FTSJ3: variants seen among roughly 807,000 people sequenced by gnomAD.
The protein encoded by FTSJ3 is pre-rRNA 2'-O-ribose RNA methyltransferase FTSJ3.
In FTSJ3, 46 loss-of-function variants were observed where a neutral mutation model predicts 111.5. That is an observed-to-expected ratio of 0.41 (90% CI 0.33 to 0.53). The LOEUF is 0.53. FTSJ3 is among the 20% of genes least tolerant of loss of function. The pLI, the probability that FTSJ3 is intolerant of heterozygous loss-of-function variation, is 0.19. For synonymous variants in FTSJ3, 408 were observed against 383.0 expected, an observed-to-expected ratio of 1.07 and a Z score of -0.76; for missense variants, 1,075 against 1,063.8, an observed-to-expected ratio of 1.01 and a Z score of -0.15.
In FTSJ3 at chr17:63,819,531, C is replaced by T; in HGVS notation, c.*271G>A. Reference sequence around the variant, plus strand: ...AGACTGACTACATTGAGTATCGCTCCAACACCGAACTTCCCTTTAACGGTT... The same window carrying T: ...AGACTGACTACATTGAGTATCGCTCTAACACCGAACTTCCCTTTAACGGTT... On this transcript the variant is annotated 3_prime_UTR_variant, in exon 21 of 21. Coordinates refer to ENST00000427159, the MANE Select transcript of FTSJ3 (RefSeq NM_017647.4). 2 of 403,576 alleles carry T rather than the reference C, an allele frequency of 5.0e-6. No individual in the cohort carries two copies. Among genetic ancestry groups the T allele is most frequent in the Non-Finnish European group, 8.9e-6 (2 of 224,028 alleles). The allele number at this position is 403,576 out of a possible 1,614,324, so 25.0% of individuals were successfully genotyped here.
At position 63,825,252 on chromosome 17, in the gene FTSJ3, T is replaced by G. The variant is rs550111217; in HGVS notation, c.585A>C (p.Val195=). 5 of 1,614,192 alleles carry G rather than the reference T, an allele frequency of 3.1e-6. No homozygotes were observed. In the South Asian group the frequency reaches 5.5e-5, roughly 18 times the overall value. ...ASRHESAEIF[V]VCQGFLAPDK... is the part of the protein sequence containing the mutation. ...GGAAATGATGCCCACCTTGGCAGAC[T>G]ACAAAGATCTCTGCAGATTCATGGC... The change falls in exon 7 of 21, where the codon GTA becomes GTC. Residue 195 remains valine (V), a synonymous_variant. Transcript: ENST00000427159.
rs764540402 is a variant in FTSJ3 at position 63,823,799 on chromosome 17, C to T, written c.1290+18G>A. 5.0e-6 allele frequency: 8 copies of T among 1,611,626 alleles called. No individual in the cohort carries two copies. The highest frequency in any genetic ancestry group is 5.9e-6 in the Non-Finnish European group (7 of 1,178,782). On this transcript the variant is annotated intron_variant, in intron 13 of 20. Transcript: ENST00000427159. Reference sequence around the variant, plus strand: ...GATCCTTCTGTCTCCTAAACCTGCACCCCCAATGCCGCCTCACCTGGTGAC... The same window carrying T: ...GATCCTTCTGTCTCCTAAACCTGCATCCCCAATGCCGCCTCACCTGGTGAC...
In FTSJ3 at chr17:63,826,318, A is replaced by G; in HGVS notation, c.174-14T>C. ...GCTACCTGCAGCCTATAAAAGGAAC[A>G]GAAATTTAAAAACCTAGAGCCATCC... On this transcript the variant is annotated splice_polypyrimidine_tract_variant and intron_variant, in intron 3 of 20. Transcript: ENST00000427159. 1 of 1,607,636 alleles carries G rather than the reference A, an allele frequency of 6.2e-7. No individual in the cohort carries two copies. The highest frequency in any genetic ancestry group is 8.5e-7 in the Non-Finnish European group (1 of 1,179,460).
Position 63,827,176 on chromosome 17 carries a change from G to A in FTSJ3, c.-151C>T, listed in dbSNP as rs368347551. 10 of 606,228 alleles carry A rather than the reference G, an allele frequency of 1.6e-5. No homozygotes were observed. Among genetic ancestry groups the A allele is most frequent in the Middle Eastern group, 4.3e-4 (1 of 2,308 alleles). 37.6% of individuals were successfully genotyped at this position (606,228 alleles called of 1,614,324 possible). A position where few individuals can be genotyped will look rare whatever the true frequency, so the allele number is the denominator to read the frequency against. ...TTCCGCCATTTTGAGTGTGGCCCTA[G>A]ATTGTTCTCAATACTCTGTCCTTGG... is the stretch of plus-strand genomic sequence containing the variant. On this transcript the variant is annotated 5_prime_UTR_variant, in exon 1 of 21. Coordinates refer to ENST00000427159, the MANE Select transcript of FTSJ3 (RefSeq NM_017647.4).
chr17:63,825,363 A>G lies in FTSJ3; in HGVS notation c.474T>C (p.Val158=). The change falls in exon 7 of 21, where the codon GTT becomes GTC. Residue 158 remains valine, a synonymous_variant. Coordinates refer to ENST00000427159, the MANE Select transcript of FTSJ3 (RefSeq NM_017647.4). ...GAGGCTGATAGTCACGAGAACGGAAAACCTTTGTGATGAAGCTGCCACCAC... is the reference window on the plus strand; with the variant it reads ...GAGGCTGATAGTCACGAGAACGGAAGACCTTTGTGATGAAGCTGCCACCAC... The part of the protein sequence containing the change: ...LARGGSFITK[V]FRSRDYQPLL... 1 of 1,614,206 alleles carries G rather than the reference A, an allele frequency of 6.2e-7. No homozygotes were observed. Among genetic ancestry groups the G allele is most frequent in the Non-Finnish European group, 8.5e-7 (1 of 1,180,044 alleles).
At position 63,824,659 on chromosome 17, in the gene FTSJ3, C is replaced by G; in HGVS notation, c.895G>C (p.Val299Leu). The change falls in exon 10 of 21, where the codon GTG (valine) becomes CTG (leucine). Residue 299 changes from valine (V) to leucine (L), a missense_variant. Around this residue, in one of 2 missense-constraint regions of FTSJ3, gnomAD observed 867 missense variants for 796.9 expected, o/e 1.09. Transcript: ENST00000427159. Reference sequence around the variant, plus strand: ...TACCTGAGCTCCTTGCGCCCCAACACTCTGATGTCCTGACAGCACACCCGT... The same window carrying G: ...TACCTGAGCTCCTTGCGCCCCAACAGTCTGATGTCCTGACAGCACACCCGT... ...DIRVCCQDIR[V>L]LGRKELRSLL... is the part of the protein sequence containing the mutation. 2 of 1,614,166 alleles carry G rather than the reference C, an allele frequency of 1.2e-6. No individual in the cohort carries two copies. The highest frequency in any genetic ancestry group is 1.7e-6 in the Non-Finnish European group (2 of 1,179,976).
rs761565909 is a variant in FTSJ3, at chr17:63,825,594, CACA to C, written c.339_341del (p.Val114del). 1 of 1,614,190 alleles carries C rather than the reference CACA, an allele frequency of 6.2e-7. No homozygotes were observed. Among genetic ancestry groups the C allele is most frequent in the South Asian group, 1.1e-5 (1 of 91,082 alleles). On this transcript the variant is annotated inframe_deletion, in exon 6 of 21. Coordinates refer to ENST00000427159, the MANE Select transcript of FTSJ3 (RefSeq NM_017647.4). ...CAACGTTGGGGGCCCCATCATTGAG[CACA>C]ACATCAACCTTCCAGGTCTTCAGCT...
At chr17:63,826,188 G>A in intron 4 of FTSJ3, 53 bp from the exon 5 acceptor site, 8 of 1,608,990 alleles carry the variant, frequency 5.0e-6, no homozygotes, top group Admixed American at 3.3e-5. Flanking sequence ...GCAGGGAGGA[G>A]AGAAATACAG....
chr17:63,820,489 GA>G, intron 18 of FTSJ3, 51 bp from the exon 19 acceptor site: 1 of 1,579,864 alleles, frequency 6.3e-7, no homozygotes, highest in Non-Finnish European at 8.7e-7. Flanking sequence ...GCTTTCTAAA[GA>G]AATTACCAGA....
At chr17:63,823,788 C>A in intron 13 of FTSJ3, 29 bp downstream of exon 13, 1 of 1,609,304 alleles carries the variant, frequency 6.2e-7, no homozygotes, top group Non-Finnish European at 8.5e-7. Flanking sequence ...CTTCTGTCTC[C>A]TAAACCTGCA....
At position 63,820,277 on chromosome 17, in the gene FTSJ3, G is replaced by T; in HGVS notation, c.2234C>A (p.Ala745Asp). 6.4e-7 allele frequency: 1 copy of T among 1,566,382 alleles called. No individual in the cohort carries two copies. Among genetic ancestry groups the T allele is most frequent in the Non-Finnish European group, 8.6e-7 (1 of 1,160,032 alleles). ...TACCCTCCTTTTCTTTCTAGCCTTA[G>T]CCTCAGCCACCTTCTTGATGGGACG... Reference protein sequence around the residue: ...NARPIKKVAEAKARKKRRMLK... With the variant: ...NARPIKKVAEDKARKKRRMLK... The change falls in exon 19 of 21, where the codon GCT (alanine) becomes GAT (aspartate). Residue 745 changes from alanine to aspartate, a missense_variant. Coordinates refer to ENST00000427159, the MANE Select transcript of FTSJ3 (RefSeq NM_017647.4).
At position 63,824,814 on chromosome 17, in the gene FTSJ3, T is replaced by A; in HGVS notation, c.816+11A>T. ...GGGGCTACCTCATGTCCCTCAAGGC[T>A]GGAGACTCACTTCGCTGGCCTTGGA... On this transcript the variant is annotated intron_variant, in intron 9 of 20. Coordinates refer to ENST00000427159, the MANE Select transcript of FTSJ3 (RefSeq NM_017647.4). 6.2e-7 allele frequency: 1 copy of A among 1,611,038 alleles called. No individual in the cohort carries two copies. The highest frequency in any genetic ancestry group is 8.5e-7 in the Non-Finnish European group (1 of 1,177,316).
At chr17:63,820,963 A>G (rs773724045) in intron 17 of FTSJ3, 25 bp from the exon 18 acceptor site, 1 of 1,612,048 alleles carries the variant, frequency 6.2e-7, no homozygotes, top group South Asian at 1.1e-5. Flanking sequence ...AGAAAGGTCA[A>G]AGCTCAATTC....
At position 63,820,438 on chromosome 17, in the gene FTSJ3, C is replaced by A; in HGVS notation, c.2073G>T (p.Arg691=). Residue 691 remains arginine, a splice_region_variant and synonymous_variant, in exon 19 of 21, where the codon CGG becomes CGT. Coordinates refer to ENST00000427159, the MANE Select transcript of FTSJ3 (RefSeq NM_017647.4). ...CCCCCTCATCCTCATTAAATGTGTA[C>A]CTGAGTGGAAAGGACATCTGTCTAA... is the stretch of plus-strand genomic sequence containing the variant. ...KRDLIDNSFN[R]YTFNEDEGEL... 1 of 1,613,940 alleles carries A rather than the reference C, an allele frequency of 6.2e-7. No homozygotes were observed. Among genetic ancestry groups the A allele is most frequent in the South Asian group, 1.1e-5 (1 of 91,070 alleles).
Position 63,819,925 on chromosome 17 carries a change from C to A in FTSJ3, c.2421G>T (p.Val807=). The change falls in exon 21 of 21, where the codon GTG becomes GTT. Residue 807 remains valine (V), a synonymous_variant. Transcript: ENST00000427159. ...HVTYVVAKKG[V]GRKVRRPAGV... Reference sequence around the variant, plus strand: ...CAGCTGGCCGGCGCACTTTGCGGCCCACACCTTTTTTGGCTACAACGTAGG... The same window carrying A: ...CAGCTGGCCGGCGCACTTTGCGGCCAACACCTTTTTTGGCTACAACGTAGG... 1 of 1,614,228 alleles carries A rather than the reference C, an allele frequency of 6.2e-7. No individual in the cohort carries two copies.
chr17:63,825,001 C>T, intron 8 of FTSJ3, 47 bp downstream of exon 8: 2 of 1,595,230 alleles, frequency 1.3e-6, no homozygotes, highest in Non-Finnish European at 1.7e-6. Flanking sequence ...GGCCCAACCT[C>T]CCTAGAGTTC....
intron 5 of FTSJ3, 65 bp from the exon 6 acceptor site, chr17:63,825,700 C>T: frequency 7.0e-7 from 1 of 1,435,082 alleles, no homozygotes; most frequent in Non-Finnish European, 9.7e-7. Context: ...AGCCATTTGT[C>T]CATCTAGTCA....
chr17:63,819,798 C>T lies in FTSJ3; in HGVS notation c.*4G>A, dbSNP rs764002549. 6.2e-6 allele frequency: 10 copies of T among 1,609,462 alleles called. No homozygotes were observed. The highest frequency in any genetic ancestry group is 1.7e-4 in the Middle Eastern group (1 of 6,056). On this transcript the variant is annotated 3_prime_UTR_variant, in exon 21 of 21. Coordinates refer to ENST00000427159, the MANE Select transcript of FTSJ3 (RefSeq NM_017647.4). ...ATGCTCTCCTGGGAGCCTGGCAGCTCTGCTTACTTCCGTTTGTGTTTTTTC... is the reference window on the plus strand; with the variant it reads ...ATGCTCTCCTGGGAGCCTGGCAGCTTTGCTTACTTCCGTTTGTGTTTTTTC...
chr17:63,827,145 G>A lies in FTSJ3; in HGVS notation c.-120C>T. 1 of 606,756 alleles carries A rather than the reference G, an allele frequency of 1.6e-6. No individual in the cohort carries two copies. Among genetic ancestry groups the A allele is most frequent in the Non-Finnish European group, 2.9e-6 (1 of 342,710 alleles). 37.6% of individuals were successfully genotyped at this position (606,756 alleles called of 1,614,324 possible). On this transcript the variant is annotated 5_prime_UTR_variant, in exon 1 of 21. Coordinates refer to ENST00000427159, the MANE Select transcript of FTSJ3 (RefSeq NM_017647.4). ...CTTGCGTCCCCTGCGTCCCTGGCTC[G>A]AGGTTTTCCGCCATTTTGAGTGTGG...
Sources: allele counts gnomAD v4.1 joint callset, GRCh38; gene constraint gnomAD v4.1.1; regional missense constraint gnomAD v4.1.1; transcripts MANE v1.5; gene names NCBI Gene and HGNC (gene_info 2026-07-23, HGNC 2026-07-21).